Variants in EPM2A observed in about 807,000 individuals in gnomAD.
EPM2A encodes the protein laforin.
A neutral mutation model predicts 26.5 loss-of-function variants in EPM2A; 21 were observed. The observed-to-expected ratio is 0.79, with a 90% CI of 0.56 to 1.14. The LOEUF is 1.14. Ranked by LOEUF, EPM2A falls within the 50% of genes most tolerant of loss-of-function variation. The pLI is 0.00. For synonymous variants in EPM2A, 217 were observed against 177.6 expected (o/e 1.22, Z -1.76); for missense variants, 458 against 440.8 (o/e 1.04, Z -0.35).
chr6:145,468,312 TA>T (rs1779426857), intron 4 of EPM2A, among the ~76,000 whole-genome samples: 1 of 152,150 alleles, frequency 6.6e-6, no homozygotes, highest in Non-Finnish European at 1.5e-5. Context: ...CAAATCACTT[TA>T]ATCGCCGTAC....
chr6:145,452,303 A>G (rs914986697), intron 4 of EPM2A, among the ~76,000 whole-genome samples: 9 of 152,036 alleles, frequency 5.9e-5, no homozygotes, highest in African/African-American at 2.2e-4. Context: ...TAACCTGAGC[A>G]TCTCCAAGGG....
At chr6:145,613,159 G>A (rs1001149390) in intron 2 of EPM2A, among the ~76,000 whole-genome samples, 1 of 152,126 alleles carries the variant, frequency 6.6e-6, no homozygotes, top group South Asian at 2.1e-4. Flanking sequence ...TTTCCACAAT[G>A]TTCACGGCAT....
At chr6:145,551,276 C>G (rs989000227) in intron 2 of EPM2A, among the ~76,000 whole-genome samples, 1 of 151,928 alleles carries the variant, frequency 6.6e-6, no homozygotes, top group Non-Finnish European at 1.5e-5. Flanking sequence ...GCAATCCAAA[C>G]ATCTTAAAAA....
chr6:145,670,964 T>A (rs984500508), intron 2 of EPM2A: 6 of 984,544 alleles, frequency 6.1e-6, no homozygotes, highest in African/African-American at 1.7e-5. Flanking sequence ...TTCCTACTGA[T>A]ATGAACAATT....
intron 4 of EPM2A, among the ~76,000 whole-genome samples, chr6:145,411,175 CAG>C (rs1467990615): frequency 6.6e-6 from 1 of 152,132 alleles, no homozygotes; most frequent in African/African-American, 2.4e-5. Context: ...AATTTTGAAA[CAG>C]AGGTCAAAAG....
At chr6:145,629,732 G>C (rs1259864022) in intron 3 of EPM2A, 1 of 152,206 alleles carries the variant, frequency 6.6e-6, no homozygotes, top group East Asian at 1.9e-4. Flanking sequence ...AGCATCACAT[G>C]GCAAGCTCCC....
At chr6:145,445,149 C>A (rs2114704077) in intron 4 of EPM2A, among the ~76,000 whole-genome samples, 1 of 152,236 alleles carries the variant, frequency 6.6e-6, no homozygotes, top group South Asian at 2.1e-4. Context: ...TCAAGAGTAG[C>A]CAGAGGTGAG....
chr6:145,584,955 T>C (rs1344120564), intron 2 of EPM2A, among the ~76,000 whole-genome samples: 1 of 152,224 alleles, frequency 6.6e-6, no homozygotes, highest in Non-Finnish European at 1.5e-5. Flanking sequence ...AAAAATATCT[T>C]TATTTTGCCT....
intron 4 of EPM2A, among the ~76,000 whole-genome samples, chr6:145,487,686 T>C (rs1383796640): frequency 6.6e-6 from 1 of 151,974 alleles, no homozygotes; most frequent in East Asian, 1.9e-4. Context: ...CTTGTAAATT[T>C]ATTTAAGTTC....
intron 2 of EPM2A, among the ~76,000 whole-genome samples, chr6:145,589,995 T>C (rs1781250070): frequency 6.6e-6 from 1 of 151,904 alleles, no homozygotes; most frequent in African/African-American, 2.4e-5. Context: ...ATCGAGGTCA[T>C]AGGGTAAACC....
At chr6:145,519,688 G>A (rs1330304844) in intron 2 of EPM2A, among the ~76,000 whole-genome samples, 4 of 152,124 alleles carry the variant, frequency 2.6e-5, no homozygotes, top group African/African-American at 7.2e-5. Context: ...GGTGGACAGA[G>A]GTTTCGAGAA....
intron 2 of EPM2A, among the ~76,000 whole-genome samples, chr6:145,509,350 T>C (rs1848569): frequency 0.017 from 2,517 of 152,172 alleles, 29 homozygotes; most frequent in Admixed American, 0.04. Context: ...AAAATGGCCA[T>C]ATTATCCTTA....
chr6:145,587,279 G>A (rs1233489567), intron 2 of EPM2A, among the ~76,000 whole-genome samples: 1 of 152,100 alleles, frequency 6.6e-6, no homozygotes, highest in African/African-American at 2.4e-5. Flanking sequence ...AATTAGAAAA[G>A]TAAACCAAAA....
At chr6:145,722,661 T>G (rs1196225509) in intron 1 of EPM2A, 1 of 394,176 alleles carries the variant, frequency 2.5e-6, no homozygotes, top group East Asian at 7.9e-5. Flanking sequence ...TCCCCCAAAA[T>G]TCATATAAAA....
In EPM2A at chr6:145,735,341, GC is replaced by G; in HGVS notation, c.157del (p.Ala53ProfsTer37). 1 of 1,316,990 alleles carries G rather than the reference GC, an allele frequency of 7.6e-7. No individual in the cohort carries two copies. The highest frequency in any genetic ancestry group is 9.8e-7 in the Non-Finnish European group (1 of 1,022,734). The allele number at this position is 1,316,990 out of a possible 1,614,324, so 81.6% of individuals were successfully genotyped here. A position where few individuals can be genotyped will look rare whatever the true frequency, so the allele number is the denominator to read the frequency against. On this transcript the variant is annotated frameshift_variant, in exon 1 of 4. Coordinates refer to ENST00000367519, the MANE Select transcript of EPM2A (RefSeq NM_005670.4). LOFTEE classifies it high-confidence loss of function. ...GAGCCACAGGCCCGGCTCCTGCAGG[GC>G]CAGGGCCCCGTCGCCCGCCGCGGTG... ...AGTAAGDGALALQEPGLWLGE... is the reference protein window; with the variant it reads ...AGTAAGDGALXLQEPGLWLGE...
chr6:145,685,396 G>T (rs1780833012), intron 2 of EPM2A, among the ~76,000 whole-genome samples: 1 of 152,134 alleles, frequency 6.6e-6, no homozygotes, highest in South Asian at 2.1e-4. Context: ...GCCTGGTAGG[G>T]ACTGGAGTGG....
chr6:145,539,236 T>C (rs1349154646), intron 2 of EPM2A, among the ~76,000 whole-genome samples: 1 of 152,240 alleles, frequency 6.6e-6, no homozygotes, highest in Non-Finnish European at 1.5e-5. Flanking sequence ...TTCCCCACTG[T>C]CACTTCAACT....
chr6:145,661,885 A>G (rs1778735958), intron 2 of EPM2A, among the ~76,000 whole-genome samples: 1 of 152,266 alleles, frequency 6.6e-6, no homozygotes, highest in East Asian at 1.9e-4. Flanking sequence ...TTTCACATTC[A>G]CTGCATCTCT....
At chr6:145,500,337 G>T (rs1238614250), downstream of EPM2A, among the ~76,000 whole-genome samples, 1 of 152,134 alleles carries the variant, frequency 6.6e-6, no homozygotes, top group African/African-American at 2.4e-5. Flanking sequence ...GCATTTTGAT[G>T]TTGTAGTCCC....
Sources: allele counts gnomAD v4.1 joint callset (sites outside exome capture counted in the v4.1 genomes callset), GRCh38; gene constraint gnomAD v4.1.1; transcripts MANE v1.5; gene names NCBI Gene and HGNC (gene_info 2026-07-23, HGNC 2026-07-21).